Variants in BCAR3 observed in about 807,000 individuals in gnomAD.
BCAR3 encodes the protein breast cancer anti-estrogen resistance protein 3.
In BCAR3, 37 loss-of-function variants were observed where a neutral mutation model predicts 80.1. The ratio of observed to expected loss-of-function variants is 0.46; its 90% confidence interval spans 0.36 to 0.61. BCAR3 has a LOEUF of 0.61. Ranked by LOEUF, BCAR3 falls within the 20% of genes least tolerant of loss-of-function variation. BCAR3 has a pLI of 0.00. For missense variants in BCAR3, 978 were observed against 1,068.2 expected (o/e 0.92, Z 1.18); for synonymous variants, 389 against 418.9 (o/e 0.93, Z 0.87).
intron 2 of BCAR3, among the ~76,000 whole-genome samples, chr1:93,825,144 G>A (rs1654334933): frequency 7.5e-6 from 1 of 134,104 alleles, no homozygotes; most frequent in African/African-American, 2.5e-5. Flanking sequence ...TCAGGAGGCA[G>A]TACGCACAAA....
rs541967862 is a variant in BCAR3 at position 93,834,369 on chromosome 1, C to G, written c.-63+11198G>C. ...ATCCCTCAATACCTCCCTCCACTACCCATTATTCTATTCTAGATAAACCTA... is the reference window on the plus strand; with the variant it reads ...ATCCCTCAATACCTCCCTCCACTACGCATTATTCTATTCTAGATAAACCTA... On this transcript the variant is annotated intron_variant, in intron 2 of 13. Coordinates refer to the BCAR3 transcript ENST00000370244. 1.4e-3 allele frequency among the ~76,000 whole-genome samples: 207 copies of G among 152,216 alleles called. 2 individuals are homozygous for G. The highest frequency in any genetic ancestry group is 4.7e-3 in the African/African-American group (195 of 41,502).
chr1:93,641,890 AATG>A (rs1675990972), intron 3 of BCAR3, among the ~76,000 whole-genome samples: 1 of 152,230 alleles, frequency 6.6e-6, no homozygotes, highest in East Asian at 1.9e-4. Flanking sequence ...TTGGTGGCAA[AATG>A]TGACCTGAAC....
chr1:93,766,329 T>C (rs1652147690), intron 2 of BCAR3, among the ~76,000 whole-genome samples: 1 of 152,150 alleles, frequency 6.6e-6, no homozygotes. Flanking sequence ...ACAAATGCAT[T>C]AGGTAACACT....
At position 93,592,406 on chromosome 1, in the gene BCAR3, G is replaced by T. The variant is rs762727516; in HGVS notation, c.358-13C>A. 1.3e-6 allele frequency: 2 copies of T among 1,586,456 alleles called. No individual in the cohort carries two copies. Among genetic ancestry groups the T allele is most frequent in the Non-Finnish European group, 1.7e-6 (2 of 1,172,540 alleles). On this transcript the variant is annotated splice_polypyrimidine_tract_variant and intron_variant, in intron 3 of 11. Transcript: ENST00000260502. This position sits in a 1 kb window ranked among gnomAD's most constrained non-coding sequence, Gnocchi z 4.8. ...TCTCCTTGGAGAACTGCAACACAGAGTCAACCATGAGCTCACCCTGCCCAG... is the reference window on the plus strand; with the variant it reads ...TCTCCTTGGAGAACTGCAACACAGATTCAACCATGAGCTCACCCTGCCCAG...
intron 2 of BCAR3, among the ~76,000 whole-genome samples, chr1:93,740,252 A>C (rs983893333): frequency 6.6e-6 from 1 of 152,178 alleles, no homozygotes; most frequent in Non-Finnish European, 1.5e-5. Flanking sequence ...CAGGCCTAGG[A>C]AACTCAGCAT....
chr1:93,681,847 G>A (rs1419184278), upstream of BCAR3: 1 of 152,130 alleles, frequency 6.6e-6, no homozygotes, highest in African/African-American at 2.4e-5. Context: ...TGAGCCGGCG[G>A]CGCGCACTCC....
chr1:93,715,842 C>A (rs137887386), intron 2 of BCAR3, among the ~76,000 whole-genome samples: 1 of 152,192 alleles, frequency 6.6e-6, no homozygotes, highest in African/African-American at 2.4e-5. Flanking sequence ...GTAGGCTTGG[C>A]CTTGACGTTG....
chr1:93,685,075 A>AC (rs528667821), upstream of BCAR3, among the ~76,000 whole-genome samples: 53 of 152,288 alleles, frequency 3.5e-4, no homozygotes, highest in East Asian at 9.1e-3. Context: ...TCAAACCACA[A>AC]CCACATTCAC....
intron 2 of BCAR3, among the ~76,000 whole-genome samples, chr1:93,649,857 T>C (rs575438113): frequency 6.6e-6 from 1 of 150,906 alleles, no homozygotes; most frequent in South Asian, 2.1e-4. Context: ...GGTAGATTTG[T>C]TTGAACTCAA....
At chr1:93,718,698 T>C (rs1339135430) in intron 2 of BCAR3, among the ~76,000 whole-genome samples, 3 of 112,384 alleles carry the variant, frequency 2.7e-5, no homozygotes, top group Admixed American at 8.9e-5. Flanking sequence ...CTTTTTTTTT[T>C]TTTTTTTTTT....
chr1:93,581,272 C>A (rs1357168914), intron 7 of BCAR3, among the ~76,000 whole-genome samples: 1 of 152,088 alleles, frequency 6.6e-6, no homozygotes, highest in Admixed American at 6.5e-5. Flanking sequence ...CTGTGGCAAA[C>A]AGATATTACA....
At chr1:93,719,068 C>G (rs1482342624) in intron 2 of BCAR3, among the ~76,000 whole-genome samples, 1 of 152,070 alleles carries the variant, frequency 6.6e-6, no homozygotes, top group Non-Finnish European at 1.5e-5. Context: ...ACTTGCCTCC[C>G]CAGACCACCA....
chr1:93,582,237 C>T (rs1236257179), intron 7 of BCAR3, 64 bp downstream of exon 7: 15 of 1,546,792 alleles, frequency 9.7e-6, no homozygotes, highest in South Asian at 8.7e-5. Flanking sequence ...AGAGGAGCAC[C>T]GGGACCCCTA....
At chr1:93,817,804 C>G (rs1654072642) in intron 2 of BCAR3, among the ~76,000 whole-genome samples, 1 of 152,226 alleles carries the variant, frequency 6.6e-6, no homozygotes, top group African/African-American at 2.4e-5. Context: ...CCCCACATCC[C>G]TGCCCAGCAT....
intron 3 of BCAR3, among the ~76,000 whole-genome samples, chr1:93,622,177 G>A (rs1401477399): frequency 1.3e-5 from 2 of 152,210 alleles, no homozygotes; most frequent in African/African-American, 4.8e-5. Flanking sequence ...GGGATTACAG[G>A]CGTGAGCCAC....
intron 9 of BCAR3, among the ~76,000 whole-genome samples, chr1:93,571,031 C>T (rs184043568): frequency 8.1e-4 from 123 of 152,108 alleles, no homozygotes; most frequent in African/African-American, 2.7e-3. Context: ...TGGCAAAACC[C>T]CGTCTCTACT....
chr1:93,708,062 T>C (rs527360804), intron 2 of BCAR3, among the ~76,000 whole-genome samples: 5 of 152,336 alleles, frequency 3.3e-5, no homozygotes, highest in South Asian at 4.1e-4. Flanking sequence ...GGAGGGTTCC[T>C]CTAGCCATTG....
chr1:93,691,769 G>GA lies in BCAR3; in HGVS notation c.-12+14322dup, dbSNP rs377675561. Among the ~76,000 whole-genome samples the GA allele has an allele frequency of 4.6e-4, 68 of 148,662 alleles. 4 individuals are homozygous for GA. The highest frequency in any genetic ancestry group is 1.1e-3 in the Admixed American group (16 of 14,954). On this transcript the variant is annotated intron_variant, in intron 3 of 13. Coordinates refer to the BCAR3 transcript ENST00000370244. ...TAAGGGTCATTATCCCATTTTCCAG[G>GA]AAAAAAAAAATGCAAATGGAAATGG...
rs35143036 is a variant in BCAR3, at chr1:93,591,168, T to TAAAA, written c.486+1093_486+1096dup. 8.3e-3 allele frequency among the ~76,000 whole-genome samples: 549 copies of TAAAA among 66,306 alleles called. 72 individuals are homozygous for TAAAA. Among genetic ancestry groups the TAAAA allele is most frequent in the African/African-American group, 0.041 (482 of 11,846 alleles). 43.5% of individuals were successfully genotyped at this position (66,306 alleles called of 152,430 possible). A position where few individuals can be genotyped will look rare whatever the true frequency, so the allele number is the denominator to read the frequency against. ...GATTGTGCCAAGAAATCTACTACATTAAAAAAAAAAAAAAAAAAAAAAAAG... is the reference window on the plus strand; with the variant it reads ...GATTGTGCCAAGAAATCTACTACATTAAAAAAAAAAAAAAAAAAAAAAAAAAAAG... On this transcript the variant is annotated intron_variant, in intron 4 of 11. Transcript: ENST00000260502.
Sources: allele counts gnomAD v4.1 joint callset (sites outside exome capture counted in the v4.1 genomes callset), GRCh38; gene constraint gnomAD v4.1.1; non-coding constraint Gnocchi (gnomAD v3.1); transcripts MANE v1.5; gene names NCBI Gene and HGNC (gene_info 2026-07-23, HGNC 2026-07-21).